SNTB1: variants seen among roughly 807,000 people sequenced by gnomAD.
SNTB1 encodes the protein beta-1-syntrophin.
SNTB1 carries 36 observed loss-of-function variants against 48.9 expected under a neutral mutation model. The observed-to-expected ratio is 0.74, with a 90% CI of 0.56 to 0.97. The LOEUF is 0.97. Ranked by LOEUF, SNTB1 falls within the 50% of genes least tolerant of loss-of-function variation. SNTB1 has a pLI of 0.00. For missense variants in SNTB1, 786 were observed against 703.4 expected (o/e 1.12, Z -1.33); for synonymous variants, 299 against 294.6 (o/e 1.01, Z -0.15).
chr8:120,760,095 C>T (rs1415194162), intron 1 of SNTB1, among the ~76,000 whole-genome samples: 2 of 152,090 alleles, frequency 1.3e-5, no homozygotes, highest in Non-Finnish European at 2.9e-5. Flanking sequence ...TTTATGAACA[C>T]AGTATTGAAG....
intron 2 of SNTB1, among the ~76,000 whole-genome samples, chr8:120,645,493 T>A (rs898063627): frequency 1.3e-4 from 20 of 151,970 alleles, no homozygotes; most frequent in African/African-American, 4.8e-4. Context: ...GCATTATTTC[T>A]GAGAGCTCTG....
chr8:120,697,741 C>T (rs999674929), intron 1 of SNTB1, among the ~76,000 whole-genome samples: 9 of 152,184 alleles, frequency 5.9e-5, no homozygotes, highest in Non-Finnish European at 1.0e-4. Context: ...CAGTAAGTCT[C>T]ACGCATACTA....
rs527507777 is a variant in SNTB1 at position 120,811,168 on chromosome 8, G to A, written c.571+105C>T. 33 of 1,436,712 alleles carry A rather than the reference G, an allele frequency of 2.3e-5. No homozygotes were observed. The East Asian group carries it at 5.8e-4, about 25-fold the overall frequency. The allele number at this position is 1,436,712 out of a possible 1,614,324, so 89.0% of individuals were successfully genotyped here. A position where few individuals can be genotyped will look rare whatever the true frequency, so the allele number is the denominator to read the frequency against. Reference sequence around the variant, plus strand: ...AACACACACACACCCGGCCCCCTGGGGTGTGTCCGCATGTGGCCGAGTGAG... The same window carrying A: ...AACACACACACACCCGGCCCCCTGGAGTGTGTCCGCATGTGGCCGAGTGAG... On this transcript the variant is annotated intron_variant, in intron 1 of 6. Transcript: ENST00000517992.
At chr8:120,774,484 T>C (rs964731912) in intron 1 of SNTB1, among the ~76,000 whole-genome samples, 2 of 152,184 alleles carry the variant, frequency 1.3e-5, no homozygotes, top group African/African-American at 4.8e-5. Flanking sequence ...CTGTGTGGCA[T>C]ACGGAGTGGA....
intron 2 of SNTB1, among the ~76,000 whole-genome samples, chr8:120,655,262 A>C (rs1443758474): frequency 6.6e-6 from 1 of 152,248 alleles, no homozygotes; most frequent in Non-Finnish European, 1.5e-5. Context: ...TATGTGAAAA[A>C]GATAACATCA....
chr8:120,799,861 A>C (rs1563606571), intron 1 of SNTB1, among the ~76,000 whole-genome samples: 1 of 152,142 alleles, frequency 6.6e-6, no homozygotes, highest in East Asian at 1.9e-4. Context: ...ATGTCCTAAA[A>C]ACTTGACACC....
chr8:120,692,770 A>G (rs1187193533), intron 2 of SNTB1, among the ~76,000 whole-genome samples: 1 of 152,202 alleles, frequency 6.6e-6, no homozygotes, highest in African/African-American at 2.4e-5. Flanking sequence ...TATACAGTTG[A>G]CAGCACTGAG....
chr8:120,699,283 C>A (rs1563854981), intron 1 of SNTB1, among the ~76,000 whole-genome samples: 1 of 152,150 alleles, frequency 6.6e-6, no homozygotes, highest in Non-Finnish European at 1.5e-5. Flanking sequence ...AATATTTAGC[C>A]CCTCCAAATC....
rs983692538 is a variant in SNTB1, at chr8:120,803,344, T to G, written c.571+7929A>C. Among the ~76,000 whole-genome samples the G allele has an allele frequency of 2.2e-3, 330 of 152,284 alleles. 1 individual carries two copies. Among genetic ancestry groups the G allele is most frequent in the African/African-American group, 7.6e-3 (316 of 41,548 alleles). On this transcript the variant is annotated intron_variant, in intron 1 of 6. Coordinates refer to ENST00000517992, the MANE Select transcript of SNTB1 (RefSeq NM_021021.4). ...AGGGCATTGATTTTGTGGTGGGTAT[T>G]ATATATTTTTGTCTTAAGTCTTAAC... is the stretch of plus-strand genomic sequence containing the variant.
Position 120,599,458 on chromosome 8 carries a change from C to T in SNTB1, c.997-24233G>A, listed in dbSNP as rs533755395. Among the ~76,000 whole-genome samples, 359 of 152,096 alleles carry T rather than the reference C, an allele frequency of 2.4e-3. 4 individuals are homozygous for T. Among genetic ancestry groups the T allele is most frequent in the South Asian group, 3.7e-3 (18 of 4,820 alleles). On this transcript the variant is annotated intron_variant, in intron 3 of 6. Coordinates refer to ENST00000517992, the MANE Select transcript of SNTB1 (RefSeq NM_021021.4). ...CTGCTTGATGCTTTTGCTATAAATC[C>T]AGGTTTTATATTTATTCATGCCTCA...
intron 4 of SNTB1, among the ~76,000 whole-genome samples, chr8:120,573,781 G>A (rs1246265355): frequency 6.6e-6 from 1 of 152,088 alleles, no homozygotes; most frequent in Non-Finnish European, 1.5e-5. Context: ...ATTTATTGAA[G>A]AGAATATCCT....
intron 1 of SNTB1, among the ~76,000 whole-genome samples, chr8:120,749,567 T>C (rs1819178598): frequency 6.6e-6 from 1 of 152,182 alleles, no homozygotes; most frequent in Admixed American, 6.5e-5. Flanking sequence ...TGGCTGTCTG[T>C]ATGCTGTGAA....
chr8:120,764,785 A>G (rs1819488435), intron 1 of SNTB1, among the ~76,000 whole-genome samples: 1 of 152,202 alleles, frequency 6.6e-6, no homozygotes, highest in Non-Finnish European at 1.5e-5. Flanking sequence ...GTAGACTTTA[A>G]TAAGTGATGC....
At chr8:120,809,654 C>T (rs1820394192) in intron 1 of SNTB1, among the ~76,000 whole-genome samples, 1 of 152,100 alleles carries the variant, frequency 6.6e-6, no homozygotes, top group South Asian at 2.1e-4. Context: ...TATTGCAAAC[C>T]GAGCAGGTGC....
intron 1 of SNTB1, among the ~76,000 whole-genome samples, chr8:120,781,744 T>C (rs1819833387): frequency 2.0e-5 from 3 of 152,182 alleles, no homozygotes; most frequent in Admixed American, 2.0e-4. Context: ...TAGGTCCTCC[T>C]GGAAAATTAT....
intron 2 of SNTB1, among the ~76,000 whole-genome samples, chr8:120,634,284 T>C (rs1284823795): frequency 6.6e-6 from 1 of 152,234 alleles, no homozygotes; most frequent in Non-Finnish European, 1.5e-5. Context: ...TCCTTTCATC[T>C]CTTAATAATC....
intron 1 of SNTB1, among the ~76,000 whole-genome samples, chr8:120,752,981 C>T (rs1819248682): frequency 9.1e-6 from 1 of 109,706 alleles, no homozygotes; most frequent in Non-Finnish European, 1.8e-5. Flanking sequence ...AAAACAAAAG[C>T]TGGAAGAAAA....
chr8:120,774,685 C>T (rs530012200), intron 1 of SNTB1, among the ~76,000 whole-genome samples: 4 of 152,192 alleles, frequency 2.6e-5, no homozygotes, highest in Admixed American at 6.5e-5. Context: ...AGATGGGTCT[C>T]GCTCTGTCAC....
chr8:120,711,288 G>A (rs1043432932), intron 1 of SNTB1, among the ~76,000 whole-genome samples: 1 of 151,832 alleles, frequency 6.6e-6, no homozygotes, highest in African/African-American at 2.4e-5. Context: ...GTATTTCAAT[G>A]TAAATAACAC....
Sources: allele counts gnomAD v4.1 joint callset (sites outside exome capture counted in the v4.1 genomes callset), GRCh38; gene constraint gnomAD v4.1.1; transcripts MANE v1.5; gene names NCBI Gene and HGNC (gene_info 2026-07-23, HGNC 2026-07-21).